Variants in ZNF804A observed in about 807,000 individuals in gnomAD.
ZNF804A encodes the protein zinc finger protein 804A.
In ZNF804A, 2 loss-of-function variants were observed where a neutral mutation model predicts 16.5. The ratio of observed to expected loss-of-function variants is 0.12; its 90% confidence interval spans 0.05 to 0.38. The LOEUF is 0.38. Among genes scored for constraint, ZNF804A ranks in the 10% least tolerant of loss-of-function variants. ZNF804A has a pLI of 0.99. For missense variants in ZNF804A, 1,473 were observed against 1,390.7 expected, an observed-to-expected ratio of 1.06 and a Z score of -0.94; for synonymous variants, 534 against 489.6, an observed-to-expected ratio of 1.09 and a Z score of -1.20.
chr2:184,888,800 G>A (rs1439008371), intron 2 of ZNF804A, among the ~76,000 whole-genome samples: 6 of 152,122 alleles, frequency 3.9e-5, no homozygotes, highest in Non-Finnish European at 5.9e-5. Flanking sequence ...GAGAGGGGAA[G>A]AGAATACCTA....
chr2:184,699,136 C>T (rs1414816523), intron 1 of ZNF804A, among the ~76,000 whole-genome samples: 1 of 151,994 alleles, frequency 6.6e-6, no homozygotes, highest in Non-Finnish European at 1.5e-5. Context: ...GTGTCCACTA[C>T]ACAATGCTAA....
chr2:184,794,383 T>G (rs1694598583), intron 1 of ZNF804A, among the ~76,000 whole-genome samples: 1 of 152,128 alleles, frequency 6.6e-6, no homozygotes, highest in African/African-American at 2.4e-5. Context: ...TTGATGATTG[T>G]CTATTCATGT....
At chr2:184,898,880 T>C (rs1685131730) in intron 2 of ZNF804A, among the ~76,000 whole-genome samples, 2 of 152,006 alleles carry the variant, frequency 1.3e-5, no homozygotes, top group South Asian at 4.1e-4. Flanking sequence ...ATTTTTTACA[T>C]GCACATGAAA....
intron 1 of ZNF804A, among the ~76,000 whole-genome samples, chr2:184,834,615 C>A (rs1489476485): frequency 2.0e-5 from 3 of 152,082 alleles, no homozygotes; most frequent in Non-Finnish European, 4.4e-5. Flanking sequence ...CAATTCTAGT[C>A]CAACATGCAA....
chr2:184,730,424 T>C (rs1693494874), intron 1 of ZNF804A, among the ~76,000 whole-genome samples: 1 of 152,182 alleles, frequency 6.6e-6, no homozygotes, highest in Admixed American at 6.6e-5. Context: ...GTTCACTTGT[T>C]GTTATACATT....
intron 1 of ZNF804A, among the ~76,000 whole-genome samples, chr2:184,633,923 T>TTAAATATCTGC (rs1691654049): frequency 6.6e-6 from 1 of 152,164 alleles, no homozygotes; most frequent in Admixed American, 6.5e-5. Context: ...TTAACAGCAG[T>TTAAATATCTGC]TGGTTAAGAC....
At chr2:184,912,675 G>T (rs889222052) in intron 2 of ZNF804A, among the ~76,000 whole-genome samples, 17 of 151,904 alleles carry the variant, frequency 1.1e-4, no homozygotes, top group African/African-American at 4.1e-4. Context: ...TCTAATTGTG[G>T]CTTTGATTCA....
At chr2:184,812,199 C>G (rs1305766738) in intron 1 of ZNF804A, among the ~76,000 whole-genome samples, 1 of 152,154 alleles carries the variant, frequency 6.6e-6, no homozygotes, top group Admixed American at 6.6e-5. Flanking sequence ...TCTGAGACCA[C>G]CTAATATTCA....
At chr2:184,605,515 A>C (rs1054703352) in intron 1 of ZNF804A, among the ~76,000 whole-genome samples, 3 of 152,186 alleles carry the variant, frequency 2.0e-5, no homozygotes, top group Non-Finnish European at 2.9e-5. Flanking sequence ...TACTCAAAAA[A>C]GAAAAAAAGC....
intron 2 of ZNF804A, among the ~76,000 whole-genome samples, chr2:184,884,018 T>C (rs1684850678): frequency 6.6e-6 from 1 of 152,096 alleles, no homozygotes; most frequent in South Asian, 2.1e-4. Flanking sequence ...AGTCAAACTA[T>C]CCTTGTATGC....
chr2:184,882,206 A>G (rs1684819031), intron 2 of ZNF804A, among the ~76,000 whole-genome samples: 2 of 152,108 alleles, frequency 1.3e-5, no homozygotes, highest in South Asian at 2.1e-4. Context: ...AGGATATTAT[A>G]TAATGGTATA....
intron 1 of ZNF804A, among the ~76,000 whole-genome samples, chr2:184,602,101 C>T (rs966985771): frequency 6.6e-6 from 1 of 151,860 alleles, no homozygotes; most frequent in African/African-American, 2.4e-5. Context: ...ATAGTCCCTT[C>T]TATAGGTCAT....
intron 1 of ZNF804A, among the ~76,000 whole-genome samples, chr2:184,857,106 T>C (rs901365458): frequency 6.6e-6 from 1 of 152,154 alleles, no homozygotes; most frequent in Non-Finnish European, 1.5e-5. Flanking sequence ...TAGGCATTTA[T>C]TGCTACCAAC....
intron 1 of ZNF804A, among the ~76,000 whole-genome samples, chr2:184,730,229 A>G (rs969103353): frequency 2.6e-5 from 4 of 151,942 alleles, no homozygotes; most frequent in Non-Finnish European, 5.9e-5. Context: ...TATTTTTTTT[A>G]GAATAGTTTT....
intron 1 of ZNF804A, among the ~76,000 whole-genome samples, chr2:184,716,982 G>T (rs541463090): frequency 1.7e-4 from 26 of 152,234 alleles, no homozygotes; most frequent in African/African-American, 6.3e-4. Flanking sequence ...CACCCTGGAA[G>T]AGCCTAGGTG....
intron 2 of ZNF804A, among the ~76,000 whole-genome samples, chr2:184,886,484 G>T (rs1283632956): frequency 6.6e-6 from 1 of 152,226 alleles, no homozygotes; most frequent in Non-Finnish European, 1.5e-5. Context: ...CGGTGCCCCA[G>T]TAGGGACACC....
intron 1 of ZNF804A, among the ~76,000 whole-genome samples, chr2:184,648,668 A>G (rs764282486): frequency 6.6e-6 from 1 of 152,182 alleles, no homozygotes; most frequent in Non-Finnish European, 1.5e-5. Context: ...AGACTTTGAA[A>G]TAACAATTGT....
At chr2:184,760,677 C>T (rs930377257) in intron 1 of ZNF804A, among the ~76,000 whole-genome samples, 1 of 152,084 alleles carries the variant, frequency 6.6e-6, no homozygotes, top group African/African-American at 2.4e-5. Flanking sequence ...ACTACAGACA[C>T]CCCATCAAGG....
chr2:184,874,745 G>T lies in ZNF804A; in HGVS notation c.255+8233G>T, dbSNP rs562788763. 7.1e-4 allele frequency among the ~76,000 whole-genome samples: 108 copies of T among 151,956 alleles called. 1 individual carries two copies. The highest frequency in any genetic ancestry group is 5.6e-4 in the Non-Finnish European group (38 of 67,972). ...TCTCTTTTATCATCTGCCCATACCA[G>T]CCTCTTTTTATTAATGTAAACAGTG... On this transcript the variant is annotated intron_variant, in intron 2 of 3. Coordinates refer to ENST00000302277, the MANE Select transcript of ZNF804A (RefSeq NM_194250.2).
Sources: allele counts gnomAD v4.1 joint callset (sites outside exome capture counted in the v4.1 genomes callset), GRCh38; gene constraint gnomAD v4.1.1; transcripts MANE v1.5; gene names NCBI Gene and HGNC (gene_info 2026-07-23, HGNC 2026-07-21).